Variants in ADGRL3 observed in about 807,000 individuals in gnomAD.
ADGRL3 encodes adhesion G protein-coupled receptor L3, also known as calcium-independent alpha-latrotoxin receptor 3.
Under a neutral mutation model 153.5 loss-of-function variants are expected in ADGRL3, and 62 were observed. The ratio of observed to expected loss-of-function variants is 0.40; its 90% confidence interval spans 0.33 to 0.50. ADGRL3 has a LOEUF of 0.50. ADGRL3 is among the 20% of genes least tolerant of loss of function. The pLI is 0.47. For synonymous variants in ADGRL3, 710 were observed against 672.5 expected (o/e 1.06, Z -0.86); for missense variants, 1,641 against 1,859.4 (o/e 0.88, Z 2.16).
At chr4:61,680,474 G>A (rs1450050389) in intron 6 of ADGRL3, among the ~76,000 whole-genome samples, 1 of 147,372 alleles carries the variant, frequency 6.8e-6, no homozygotes, top group Non-Finnish European at 1.5e-5. Flanking sequence ...TCATTTTTAA[G>A]GTGAGACTTT....
intron 4 of ADGRL3, among the ~76,000 whole-genome samples, chr4:61,557,913 T>A (rs894636287): frequency 6.6e-6 from 1 of 151,752 alleles, no homozygotes; most frequent in Non-Finnish European, 1.5e-5. Context: ...TAAGTATATT[T>A]ACAAAACAAC....
chr4:61,749,831 C>T (rs1372358029), intron 8 of ADGRL3, among the ~76,000 whole-genome samples: 2 of 151,456 alleles, frequency 1.3e-5, no homozygotes, highest in African/African-American at 4.9e-5. Flanking sequence ...GCACATTGTA[C>T]ACATGTACCC....
chr4:61,629,809 G>A (rs2093051158), intron 5 of ADGRL3, among the ~76,000 whole-genome samples: 1 of 134,580 alleles, frequency 7.4e-6, no homozygotes, highest in African/African-American at 2.8e-5. Flanking sequence ...AATGCAGACT[G>A]CCAGAATCAC....
chr4:61,644,190 A>G (rs1351803126), intron 5 of ADGRL3, among the ~76,000 whole-genome samples: 2 of 140,548 alleles, frequency 1.4e-5, no homozygotes, highest in African/African-American at 5.3e-5. Flanking sequence ...TTTTTTCTTT[A>G]TTAGTCTTGC....
chr4:61,444,501 C>A (rs1215848233), intron 2 of ADGRL3, among the ~76,000 whole-genome samples: 1 of 152,130 alleles, frequency 6.6e-6, no homozygotes, highest in African/African-American at 2.4e-5. Flanking sequence ...CTTCTCAAAG[C>A]TGACAACTTT....
chr4:61,375,193 T>G (rs1003843201), intron 1 of ADGRL3, among the ~76,000 whole-genome samples: 1 of 152,172 alleles, frequency 6.6e-6, no homozygotes, highest in African/African-American at 2.4e-5. Context: ...TTTGGTAGCA[T>G]GTGTTGGCAC....
intron 1 of ADGRL3, among the ~76,000 whole-genome samples, chr4:61,247,347 C>A (rs930224314): frequency 2.6e-4 from 40 of 151,954 alleles, no homozygotes; most frequent in African/African-American, 9.4e-4. Context: ...ATAGACAGAC[C>A]AAGATATATG....
intron 24 of ADGRL3, among the ~76,000 whole-genome samples, chr4:62,040,674 A>G (rs1221210044): frequency 1.3e-5 from 2 of 152,154 alleles, no homozygotes; most frequent in Non-Finnish European, 2.9e-5. Flanking sequence ...TAAAAGACAT[A>G]TAACTTCCCC....
At chr4:62,022,639 G>A (rs977621502) in intron 21 of ADGRL3, among the ~76,000 whole-genome samples, 1 of 152,184 alleles carries the variant, frequency 6.6e-6, no homozygotes, top group East Asian at 1.9e-4. Context: ...GTTGAAGCCA[G>A]TGCTTACTAT....
chr4:61,371,145 C>T (rs2096518574), intron 1 of ADGRL3, among the ~76,000 whole-genome samples: 1 of 150,304 alleles, frequency 6.7e-6, no homozygotes, highest in East Asian at 2.0e-4. Context: ...AGATGGGTTT[C>T]CTGAATACAG....
At chr4:61,615,280 T>G (rs1475085771) in intron 5 of ADGRL3, among the ~76,000 whole-genome samples, 1 of 152,096 alleles carries the variant, frequency 6.6e-6, no homozygotes, top group Non-Finnish European at 1.5e-5. Context: ...TTTGCTGGGC[T>G]TTACATAAAA....
chr4:62,035,307 T>C (rs1418359285), intron 23 of ADGRL3, among the ~76,000 whole-genome samples: 1 of 152,042 alleles, frequency 6.6e-6, no homozygotes, highest in Non-Finnish European at 1.5e-5. Context: ...CACGATGAAT[T>C]ATTGTGGCTT....
At chr4:61,527,346 G>T (rs1256930785) in intron 4 of ADGRL3, among the ~76,000 whole-genome samples, 3 of 151,950 alleles carry the variant, frequency 2.0e-5, no homozygotes, top group African/African-American at 7.2e-5. Flanking sequence ...ATATTTTGTT[G>T]ATTTATTTCT....
intron 1 of ADGRL3, among the ~76,000 whole-genome samples, chr4:61,325,037 G>C (rs36082269): frequency 0.071 from 10,752 of 152,144 alleles, 474 homozygotes; most frequent in South Asian, 0.12. Context: ...ATGTAGGTCG[G>C]GCGCAGTGGC....
At position 61,856,980 on chromosome 4, in the gene ADGRL3, CTT is replaced by C. The variant is rs1419841445; in HGVS notation, c.1481-35674_1481-35673del. On this transcript the variant is annotated intron_variant, in intron 9 of 26. Coordinates refer to ENST00000683033, the MANE Select transcript of ADGRL3 (RefSeq NM_001387552.1). ...TCTTTCTTTCTTTCTTTCTTTCTTT[CTT>C]TCTTTCTTTCTTTCTTTCTTTCTTT... is the stretch of plus-strand genomic sequence containing the variant. Among the ~76,000 whole-genome samples, 60 of 111,458 alleles carry C rather than the reference CTT, an allele frequency of 5.4e-4. 1 individual carries two copies. The highest frequency in any genetic ancestry group is 1.6e-3 in the African/African-American group (50 of 30,466). The allele number at this position is 111,458 out of a possible 152,430, so 73.1% of individuals were successfully genotyped here.
intron 5 of ADGRL3, among the ~76,000 whole-genome samples, chr4:61,673,119 G>A (rs1329157760): frequency 6.6e-6 from 1 of 151,870 alleles, no homozygotes; most frequent in Non-Finnish European, 1.5e-5. Context: ...CTTATATGTG[G>A]AATCTAAGAA....
intron 2 of ADGRL3, among the ~76,000 whole-genome samples, chr4:61,408,548 G>A (rs1250411074): frequency 6.6e-6 from 1 of 151,620 alleles, no homozygotes; most frequent in Non-Finnish European, 1.5e-5. Context: ...AGTTCTTATT[G>A]GTATGAAGAA....
At chr4:61,679,940 T>C (rs1029066376) in intron 6 of ADGRL3, among the ~76,000 whole-genome samples, 1 of 152,090 alleles carries the variant, frequency 6.6e-6, no homozygotes, top group African/African-American at 2.4e-5. Context: ...AAGTCGTTTT[T>C]CTTAGTCCTT....
intron 2 of ADGRL3, among the ~76,000 whole-genome samples, chr4:61,432,523 A>G (rs1462334173): frequency 1.3e-5 from 2 of 151,614 alleles, no homozygotes; most frequent in Non-Finnish European, 2.9e-5. Context: ...GCTCAGGTTT[A>G]GTATAAGCTA....
Sources: gnomAD v4.1 joint callset for allele counts (sites outside exome capture counted in the v4.1 genomes callset) on GRCh38, gnomAD v4.1.1 for gene constraint, MANE v1.5 for transcripts, NCBI Gene and HGNC (gene_info 2026-07-23, HGNC 2026-07-21) for gene names.